Variants in ADGRG7 observed in about 807,000 individuals in gnomAD.
The protein encoded by ADGRG7 is G-protein coupled receptor 128.
ADGRG7 carries 82 observed loss-of-function variants against 88.6 expected under a neutral mutation model. That is an observed-to-expected ratio of 0.93 (90% confidence interval 0.77 to 1.11). ADGRG7 has a LOEUF of 1.11. ADGRG7 is among the 50% of genes most tolerant of loss of function. ADGRG7 has a pLI of 0.00. For synonymous variants in ADGRG7, 381 were observed against 345.2 expected (o/e 1.10, Z -1.15); for missense variants, 945 against 953.4 (o/e 0.99, Z 0.12).
intron 15 of ADGRG7, among the ~76,000 whole-genome samples, chr3:100,674,042 A>T (rs555354933): frequency 9.0e-4 from 137 of 152,170 alleles, no homozygotes; most frequent in Non-Finnish European, 1.9e-3. Context: ...AATTTCCCCT[A>T]AACACTGCTT....
rs532678159 is a variant in ADGRG7 at position 100,616,141 on chromosome 3, G to A, written c.115+6170G>A. On this transcript the variant is annotated intron_variant, in intron 1 of 15. Transcript: ENST00000273352. ...CTACTACTGATGGTGCCCCAGGATC[G>A]TAAAAGAAGTAATCATGAAATTTTC... is the stretch of plus-strand genomic sequence containing the variant. Among the ~76,000 whole-genome samples the A allele has an allele frequency of 8.0e-4, 122 of 152,120 alleles. 1 individual carries two copies. The Middle Eastern group carries it at 0.01, about 13-fold the overall frequency.
intron 1 of ADGRG7, among the ~76,000 whole-genome samples, chr3:100,617,228 T>C (rs1266621560): frequency 3.9e-5 from 6 of 152,176 alleles, no homozygotes; most frequent in Non-Finnish European, 8.8e-5. Flanking sequence ...TTCTTTTTCT[T>C]TTTTATTGTA....
At chr3:100,633,232 T>A (rs1707480272) in intron 3 of ADGRG7, 33 bp from the exon 4 acceptor site, 6 of 1,067,646 alleles carry the variant, frequency 5.6e-6, no homozygotes, top group Non-Finnish European at 6.3e-6. Flanking sequence ...TAATAAATAC[T>A]TATTTTTAAT....
chr3:100,689,814 C>A (rs2094989954), intron 15 of ADGRG7, among the ~76,000 whole-genome samples: 1 of 152,152 alleles, frequency 6.6e-6, no homozygotes, highest in Non-Finnish European at 1.5e-5. Context: ...AACATTTTTT[C>A]CTTCATTTCG....
At chr3:100,663,628 C>T (rs1000665621) in intron 14 of ADGRG7, among the ~76,000 whole-genome samples, 7 of 151,956 alleles carry the variant, frequency 4.6e-5, no homozygotes, top group African/African-American at 1.7e-4. Flanking sequence ...TCCATCTTTA[C>T]TTCTCACAGA....
chr3:100,609,707 C>T lies in ADGRG7; in HGVS notation c.-150C>T. On this transcript the variant is annotated 5_prime_UTR_variant, in exon 1 of 16. Transcript: ENST00000273352. The stretch of plus-strand genomic sequence containing the variant: ...ATCCTACTGGATTAGCCTCAAAAGT[C>T]CTAAAATACAAAGACATCCATCTGA... The T allele has an allele frequency of 1.7e-6, 1 of 579,218 alleles. No homozygotes were observed. The highest frequency in any genetic ancestry group is 3.2e-6 in the Non-Finnish European group (1 of 316,748). The allele number at this position is 579,218 out of a possible 1,614,324, so 35.9% of individuals were successfully genotyped here. A position where few individuals can be genotyped will look rare whatever the true frequency, so the allele number is the denominator to read the frequency against.
At chr3:100,644,452 C>T (rs1707706263) in intron 8 of ADGRG7, among the ~76,000 whole-genome samples, 1 of 152,088 alleles carries the variant, frequency 6.6e-6, no homozygotes, top group Non-Finnish European at 1.5e-5. Flanking sequence ...TTCATGCATA[C>T]AGAAAAGTAC....
At chr3:100,648,059 C>G (rs1309845183) in intron 10 of ADGRG7, among the ~76,000 whole-genome samples, 1 of 152,126 alleles carries the variant, frequency 6.6e-6, no homozygotes, top group Non-Finnish European at 1.5e-5. Context: ...CCTTCTCAAT[C>G]AGGAGATACA....
At chr3:100,680,446 A>T (rs1292660873) in intron 15 of ADGRG7, among the ~76,000 whole-genome samples, 1 of 151,898 alleles carries the variant, frequency 6.6e-6, no homozygotes, top group Non-Finnish European at 1.5e-5. Context: ...GTCCATTTAG[A>T]TCTAATGTAT....
chr3:100,637,527 T>C (rs967976331), intron 6 of ADGRG7, 125 bp downstream of exon 6: 2 of 679,214 alleles, frequency 2.9e-6, no homozygotes, highest in Admixed American at 2.4e-5. Flanking sequence ...TCCTCTGGAA[T>C]GTAGATAAGA....
intron 15 of ADGRG7, among the ~76,000 whole-genome samples, chr3:100,689,382 A>T (rs1285516987): frequency 1.3e-5 from 2 of 152,188 alleles, no homozygotes; most frequent in African/African-American, 4.8e-5. Context: ...TTTACATTTA[A>T]GGTTAATATT....
At chr3:100,638,869 G>A (rs905516272) in intron 6 of ADGRG7, among the ~76,000 whole-genome samples, 2 of 152,100 alleles carry the variant, frequency 1.3e-5, no homozygotes, top group South Asian at 4.1e-4. Context: ...ATGCACACTT[G>A]TCAAAACCCT....
chr3:100,685,382 A>G (rs1226494224), intron 15 of ADGRG7, among the ~76,000 whole-genome samples: 3 of 151,642 alleles, frequency 2.0e-5, no homozygotes, highest in Non-Finnish European at 4.4e-5. Context: ...TTTAAATTTT[A>G]TTATTATTAT....
intron 15 of ADGRG7, among the ~76,000 whole-genome samples, chr3:100,685,507 TA>T (rs1353584364): frequency 6.6e-6 from 1 of 152,202 alleles, no homozygotes; most frequent in Non-Finnish European, 1.5e-5. Flanking sequence ...GTATATCTCC[TA>T]ATGCTATCCC....
Position 100,630,747 on chromosome 3 carries a change from C to A in ADGRG7, c.272C>A (p.Ala91Asp). 1 of 1,473,954 alleles carries A rather than the reference C, an allele frequency of 6.8e-7. No homozygotes were observed. The highest frequency in any genetic ancestry group is 9.0e-7 in the Non-Finnish European group (1 of 1,111,962). 91.3% of individuals were successfully genotyped at this position (1,473,954 alleles called of 1,614,324 possible). Residue 91 changes from alanine (A) to aspartate (D), a missense_variant, in exon 3 of 16, where the codon GCC becomes GAC. By Grantham distance (126) the Ala-to-Asp change is moderately radical. Transcript: ENST00000273352. ...AGTACCTATATGGGTTTTACTTTTG[C>A]CAGAATCCCAGTGGGCAGATATGGA... ...ENSTYMGFTF[A>D]RIPVGRYGPS...
intron 11 of ADGRG7, chr3:100,654,357 C>T (rs1241038698): frequency 6.6e-6 from 1 of 152,566 alleles, no homozygotes; most frequent in Non-Finnish European, 1.5e-5. Context: ...TAAGAGTTCT[C>T]TTTTTTCTTC....
rs768414779 is a variant in ADGRG7, at chr3:100,635,829, A to T, written c.597+3A>T. On this transcript the variant is annotated splice_donor_region_variant and intron_variant, in intron 5 of 15. Transcript: ENST00000273352. ...CTTCCAGAAATGCTTCACCTGAGGT[A>T]AAACTCACAGAGCTTTAAAAAAAAT... 2 of 1,594,642 alleles carry T rather than the reference A, an allele frequency of 1.3e-6. No individual in the cohort carries two copies. Among genetic ancestry groups the T allele is most frequent in the East Asian group, 4.5e-5 (2 of 44,724 alleles).
chr3:100,662,857 TC>T (rs1334154519), intron 14 of ADGRG7, among the ~76,000 whole-genome samples: 1 of 120,016 alleles, frequency 8.3e-6, no homozygotes, highest in Non-Finnish European at 2.0e-5. Flanking sequence ...GGAGTTATTA[TC>T]GGGGGATGGC....
intron 1 of ADGRG7, among the ~76,000 whole-genome samples, chr3:100,627,671 A>C (rs566229838): frequency 1.3e-5 from 2 of 152,288 alleles, no homozygotes; most frequent in South Asian, 2.1e-4. Context: ...GAGTAAAACT[A>C]TCTGGGCTGG....
Sources: allele counts gnomAD v4.1 joint callset (sites outside exome capture counted in the v4.1 genomes callset), GRCh38; gene constraint gnomAD v4.1.1; transcripts MANE v1.5; gene names NCBI Gene and HGNC (gene_info 2026-07-23, HGNC 2026-07-21).